DACH1: variants seen among roughly 807,000 people sequenced by gnomAD.
DACH1 encodes the protein dachshund family transcription factor 1.
DACH1 carries 12 observed loss-of-function variants against 54.2 expected under a neutral mutation model. The observed-to-expected ratio is 0.22, with a 90% CI of 0.14 to 0.36. DACH1 has a LOEUF of 0.36. Among genes scored for constraint, DACH1 ranks in the 10% least tolerant of loss-of-function variants. DACH1 has a pLI of 1.00. For missense variants in DACH1, 805 were observed against 929.8 expected (o/e 0.87, Z 1.75); for synonymous variants, 386 against 366.2 (o/e 1.05, Z -0.62).
chr13:71,525,640 A>T (rs1015895666), intron 6 of DACH1, among the ~76,000 whole-genome samples: 4 of 152,082 alleles, frequency 2.6e-5, no homozygotes, highest in Non-Finnish European at 2.9e-5. Flanking sequence ...TTCTTATTCA[A>T]ATGGTTTCTT....
chr13:71,525,438 T>C (rs1039646254), intron 6 of DACH1, among the ~76,000 whole-genome samples: 1 of 152,178 alleles, frequency 6.6e-6, no homozygotes, highest in African/African-American at 2.4e-5. Context: ...AGTCCCGTTA[T>C]TGTCAAGAAT....
intron 3 of DACH1, among the ~76,000 whole-genome samples, chr13:71,607,417 T>A (rs1283316246): frequency 1.3e-5 from 2 of 151,704 alleles, no homozygotes; most frequent in African/African-American, 4.8e-5. Context: ...AATTCTAAAA[T>A]TTTTTTTCAA....
chr13:71,762,310 G>T (rs1445437940), intron 1 of DACH1, among the ~76,000 whole-genome samples: 2 of 152,054 alleles, frequency 1.3e-5, no homozygotes, highest in African/African-American at 4.8e-5. Context: ...TCCCTCTTCT[G>T]GGGACTAGGA....
intron 1 of DACH1, among the ~76,000 whole-genome samples, chr13:71,810,949 C>T (rs772905294): frequency 1.8e-4 from 28 of 152,032 alleles, no homozygotes; most frequent in Non-Finnish European, 3.2e-4. Flanking sequence ...AATATCCCAG[C>T]TCAACAGGAA....
chr13:71,737,288 G>C (rs945301574), intron 1 of DACH1, among the ~76,000 whole-genome samples: 3 of 152,102 alleles, frequency 2.0e-5, no homozygotes, highest in Non-Finnish European at 4.4e-5. Context: ...ACTAGGCGTT[G>C]TGCAAAACCA....
intron 1 of DACH1, 31 bp downstream of exon 1, chr13:71,865,891 C>A (rs757082711): frequency 6.4e-7 from 1 of 1,551,726 alleles, no homozygotes; most frequent in Admixed American, 1.8e-5. Context: ...GGAAGGGGCG[C>A]GGGCGGCGGG....
intron 10 of DACH1, among the ~76,000 whole-genome samples, chr13:71,458,033 C>T (rs1384263323): frequency 4.6e-5 from 7 of 151,776 alleles, no homozygotes; most frequent in Non-Finnish European, 2.9e-5. Flanking sequence ...TTTGACTTAC[C>T]CCTTATATTT....
intron 1 of DACH1, among the ~76,000 whole-genome samples, chr13:71,698,116 C>G (rs982520857): frequency 2.0e-5 from 3 of 151,906 alleles, no homozygotes; most frequent in African/African-American, 7.3e-5. Flanking sequence ...TGCTAAAACC[C>G]GGGAGGTGCA....
At chr13:71,714,958 T>G (rs1480602437) in intron 1 of DACH1, among the ~76,000 whole-genome samples, 3 of 152,016 alleles carry the variant, frequency 2.0e-5, no homozygotes, top group African/African-American at 7.2e-5. Flanking sequence ...GTGACTTAAC[T>G]GAGAAAAAAG....
intron 1 of DACH1, among the ~76,000 whole-genome samples, chr13:71,691,918 G>A (rs1475826885): frequency 1.3e-5 from 2 of 151,908 alleles, no homozygotes; most frequent in Non-Finnish European, 2.9e-5. Context: ...GTGCTTCAGG[G>A]AAGATGAGGT....
intron 2 of DACH1, among the ~76,000 whole-genome samples, chr13:71,638,815 C>T (rs117006461): frequency 0.014 from 2,097 of 152,172 alleles, 18 homozygotes; most frequent in Non-Finnish European, 0.02. Context: ...GCTATTTTTC[C>T]CCAAGTGGCA....
Position 71,457,950 on chromosome 13 carries a change from A to G in DACH1, c.2083+17191T>C, listed in dbSNP as rs547813428. On this transcript the variant is annotated intron_variant, in intron 10 of 10. Transcript: ENST00000613252. ...AGCCAAACTCATCATCATCTACATT[A>G]GCCTGGATCTCTTTCCCAGATTATG... 5.3e-5 allele frequency among the ~76,000 whole-genome samples: 8 copies of G among 151,974 alleles called. No homozygotes were observed. In the South Asian group the frequency reaches 1.7e-3, roughly 32 times the overall value.
intron 6 of DACH1, among the ~76,000 whole-genome samples, chr13:71,543,198 A>C (rs553205334): frequency 6.6e-6 from 1 of 152,294 alleles, no homozygotes; most frequent in Non-Finnish European, 1.5e-5. Context: ...ACTTAGGTTC[A>C]CTACAAGAAA....
In DACH1 at chr13:71,485,269, G is replaced by C. The variant is rs968517870; in HGVS notation, c.1722+3728C>G. Among the ~76,000 whole-genome samples the C allele has an allele frequency of 1.8e-4, 27 of 151,206 alleles. No homozygotes were observed. In the East Asian group the frequency reaches 5.3e-3, roughly 30 times the overall value. On this transcript the variant is annotated intron_variant, in intron 7 of 10. Coordinates refer to ENST00000613252, the MANE Select transcript of DACH1 (RefSeq NM_080759.6). ...CACAATGAAAAAAAAATGCCATATA[G>C]AAAAAATAAAAGCAATTCTAAAAAT...
chr13:71,455,889 A>T (rs533869707), intron 10 of DACH1, among the ~76,000 whole-genome samples: 2 of 152,276 alleles, frequency 1.3e-5, no homozygotes, highest in Admixed American at 1.3e-4. Context: ...CTAAGGAAAC[A>T]GACCTCATCC....
chr13:71,521,042 G>T (rs1881562446), intron 6 of DACH1, among the ~76,000 whole-genome samples: 1 of 151,972 alleles, frequency 6.6e-6, no homozygotes, highest in South Asian at 2.1e-4. Context: ...TAGCATTGTG[G>T]CAAAGAGCAT....
At chr13:71,846,156 C>T in intron 1 of DACH1, 1 of 211,310 alleles carries the variant, frequency 4.7e-6, no homozygotes. Context: ...GAACAGCACA[C>T]TGACTCCTGG....
At chr13:71,641,522 T>G (rs1481873961) in intron 2 of DACH1, among the ~76,000 whole-genome samples, 1 of 152,134 alleles carries the variant, frequency 6.6e-6, no homozygotes, top group East Asian at 1.9e-4. Flanking sequence ...ACGTGAATAG[T>G]GAGAGGCCAG....
At chr13:71,571,793 T>C (rs1885221101) in intron 4 of DACH1, among the ~76,000 whole-genome samples, 1 of 150,618 alleles carries the variant, frequency 6.6e-6, no homozygotes, top group African/African-American at 2.4e-5. Context: ...TGGAGTGCAG[T>C]GGCACGATCT....
Sources: allele counts gnomAD v4.1 joint callset (sites outside exome capture counted in the v4.1 genomes callset), GRCh38; gene constraint gnomAD v4.1.1; transcripts MANE v1.5; gene names NCBI Gene and HGNC (gene_info 2026-07-23, HGNC 2026-07-21).